RAD51B: variants seen among roughly 807,000 people sequenced by gnomAD.
RAD51B encodes DNA repair protein RAD51 homolog 2.
RAD51B carries 38 observed loss-of-function variants against 42.2 expected under a neutral mutation model. The ratio of observed to expected loss-of-function variants is 0.90; its 90% CI spans 0.70 to 1.18. The LOEUF (loss-of-function observed/expected upper bound fraction) is 1.18. RAD51B is among the 50% of genes most tolerant of loss of function. RAD51B has a pLI of 0.00. For missense variants in RAD51B, 373 were observed against 400.7 expected (o/e 0.93, Z 0.59); for synonymous variants, 154 against 145.2 (o/e 1.06, Z -0.43).
chr14:68,007,987 A>G (rs888719802), intron 7 of RAD51B, among the ~76,000 whole-genome samples: 9 of 152,006 alleles, frequency 5.9e-5, no homozygotes, highest in African/African-American at 1.9e-4. Context: ...TTTTAAAAAT[A>G]TGATTTTTTT....
At chr14:68,653,678 A>T (rs941221127) in intron 11 of RAD51B, among the ~76,000 whole-genome samples, 2 of 152,262 alleles carry the variant, frequency 1.3e-5, no homozygotes, top group Non-Finnish European at 2.9e-5. Flanking sequence ...CAATTTGAGA[A>T]CCACTGGTCT....
At chr14:67,820,463 A>G (rs1366819183) in intron 1 of RAD51B, among the ~76,000 whole-genome samples, 1 of 152,164 alleles carries the variant, frequency 6.6e-6, no homozygotes, top group Non-Finnish European at 1.5e-5. Flanking sequence ...CTTGGTGGTA[A>G]GGAGGACAGG....
chr14:68,025,099 A>G (rs1156487586), intron 7 of RAD51B, among the ~76,000 whole-genome samples: 1 of 151,792 alleles, frequency 6.6e-6, no homozygotes. Context: ...TGCATCTATT[A>G]TGATCATATT....
chr14:68,615,925 T>C (rs1207352088), downstream of RAD51B, among the ~76,000 whole-genome samples: 3 of 152,200 alleles, frequency 2.0e-5, no homozygotes, highest in Non-Finnish European at 4.4e-5. Context: ...ACATACATGT[T>C]TGGTTTAGGT....
At chr14:67,941,389 C>T (rs1322950098) in intron 7 of RAD51B, among the ~76,000 whole-genome samples, 1 of 152,152 alleles carries the variant, frequency 6.6e-6, no homozygotes, top group Non-Finnish European at 1.5e-5. Context: ...GGTTTCCAGA[C>T]ATTCTGAAAG....
chr14:68,541,281 T>A, intron 10 of RAD51B: 2 of 985,466 alleles, frequency 2.0e-6, no homozygotes, highest in Non-Finnish European at 2.4e-6. Context: ...GACAACTGGG[T>A]TCTTTGTGGC....
chr14:68,578,591 A>C (rs1890070543), intron 10 of RAD51B, among the ~76,000 whole-genome samples: 1 of 152,164 alleles, frequency 6.6e-6, no homozygotes, highest in African/African-American at 2.4e-5. Context: ...CCAGGTCCTG[A>C]ATGTCTTTGG....
At chr14:68,213,723 G>T (rs904781606) in intron 7 of RAD51B, among the ~76,000 whole-genome samples, 3 of 152,146 alleles carry the variant, frequency 2.0e-5, no homozygotes, top group African/African-American at 7.2e-5. Context: ...CAGAGTACTA[G>T]GTCAGGTCTG....
intron 9 of RAD51B, among the ~76,000 whole-genome samples, chr14:68,418,092 G>A (rs568165149): frequency 1.3e-4 from 20 of 152,266 alleles, no homozygotes; most frequent in Middle Eastern, 3.4e-3. Context: ...AAAGATTTAC[G>A]CGATTTGAAG....
intron 7 of RAD51B, among the ~76,000 whole-genome samples, chr14:67,972,886 G>A (rs2074924285): frequency 6.6e-6 from 1 of 152,024 alleles, no homozygotes; most frequent in East Asian, 1.9e-4. Context: ...CATGGTGAGA[G>A]GCAACACTAA....
intron 7 of RAD51B, among the ~76,000 whole-genome samples, chr14:67,943,910 G>C (rs1019057170): frequency 6.6e-6 from 1 of 152,104 alleles, no homozygotes; most frequent in East Asian, 1.9e-4. Flanking sequence ...ATAGATATAG[G>C]TATAGATATA....
intron 11 of RAD51B, among the ~76,000 whole-genome samples, chr14:68,678,027 A>G (rs954588920): frequency 3.9e-5 from 6 of 152,176 alleles, no homozygotes; most frequent in African/African-American, 1.4e-4. Flanking sequence ...GCCATGCTTT[A>G]TCTCGTTAAC....
intron 9 of RAD51B, among the ~76,000 whole-genome samples, chr14:68,446,342 A>G (rs915435442): frequency 2.0e-5 from 3 of 152,216 alleles, no homozygotes; most frequent in African/African-American, 7.2e-5. Flanking sequence ...CTCATAAACA[A>G]TGTGATAGAC....
intron 7 of RAD51B, among the ~76,000 whole-genome samples, chr14:67,971,073 G>A (rs1022077800): frequency 6.6e-6 from 1 of 151,976 alleles, no homozygotes; most frequent in African/African-American, 2.4e-5. Flanking sequence ...TTATAAACAC[G>A]TATGAAACTC....
intron 7 of RAD51B, among the ~76,000 whole-genome samples, chr14:67,900,630 C>T (rs1221822674): frequency 8.1e-6 from 1 of 123,932 alleles, no homozygotes; most frequent in South Asian, 2.4e-4. Context: ...GTGTGTCATA[C>T]ACACACACAC....
At chr14:67,836,971 A>G (rs1278166193) in intron 4 of RAD51B, among the ~76,000 whole-genome samples, 1 of 149,036 alleles carries the variant, frequency 6.7e-6, no homozygotes, top group African/African-American at 2.5e-5. Context: ...ACATTCTGAT[A>G]GTCATAATTT....
chr14:68,502,408 C>T (rs900019565), intron 10 of RAD51B, among the ~76,000 whole-genome samples: 5 of 152,150 alleles, frequency 3.3e-5, no homozygotes, highest in African/African-American at 7.2e-5. Context: ...ACGGGCCGCC[C>T]GGGACTTTCT....
intron 10 of RAD51B, among the ~76,000 whole-genome samples, chr14:68,579,169 C>G (rs1481260269): frequency 6.6e-6 from 1 of 152,186 alleles, no homozygotes; most frequent in African/African-American, 2.4e-5. Context: ...AGTCTACAGT[C>G]AAGTCACTTC....
intron 7 of RAD51B, among the ~76,000 whole-genome samples, chr14:68,072,474 C>G (rs984998344): frequency 6.6e-6 from 1 of 151,968 alleles, no homozygotes. Context: ...AGGCTCATCT[C>G]GTCACTTCAT....
Sources: allele counts gnomAD v4.1 joint callset (sites outside exome capture counted in the v4.1 genomes callset), GRCh38; gene constraint gnomAD v4.1.1; transcripts MANE v1.5; gene names NCBI Gene and HGNC (gene_info 2026-07-23, HGNC 2026-07-21).